The following ARL10 variants were observed in gnomAD, a reference collection of about 807,000 sequenced individuals.
ARL10 encodes the protein ADP-ribosylation factor-like protein 10.
ARL10 carries 23 observed loss-of-function variants against 26.1 expected under a neutral mutation model. The ratio of observed to expected loss-of-function variants is 0.88; its 90% CI spans 0.63 to 1.25. ARL10 has a LOEUF of 1.25. ARL10 is among the 50% of genes most tolerant of loss of function. The pLI is 0.00. For missense variants in ARL10, 300 were observed against 323.6 expected (o/e 0.93, Z 0.56); for synonymous variants, 138 against 149.1 (o/e 0.93, Z 0.54).
At chr5:176,396,905 C>T (rs1369309000) in intron 1 of ARL10, among the ~76,000 whole-genome samples, 2 of 152,098 alleles carry the variant, frequency 1.3e-5, no homozygotes, top group African/African-American at 4.8e-5. Flanking sequence ...TAATACATCA[C>T]ATTTTTTTCT....
downstream of ARL10, chr5:176,392,745 T>C (rs1756313720): frequency 6.2e-7 from 1 of 1,611,604 alleles, no homozygotes; most frequent in African/African-American, 1.3e-5. The surrounding 1 kb of genome is among the most constrained non-coding windows in gnomAD (Gnocchi z 5.2). Context: ...GCCCAGCCCA[T>C]GCTCTGTGGC....
intron 1 of ARL10, chr5:176,397,780 C>A: frequency 1.3e-6 from 2 of 1,550,774 alleles, no homozygotes; most frequent in South Asian, 1.1e-5. Context: ...CCCGGCCGCG[C>A]TCCTCCCCTG....
Position 176,368,990 on chromosome 5 carries a change from C to T in ARL10, c.561+8C>T, listed in dbSNP as rs1768432431. Reference sequence around the variant, plus strand: ...GTGGTGGCCAACAAGCAGGTGAGGGCTGTGAGAGGGCAGCTCGGTCCAGGT... The same window carrying T: ...GTGGTGGCCAACAAGCAGGTGAGGGTTGTGAGAGGGCAGCTCGGTCCAGGT... On this transcript the variant is annotated splice_region_variant and intron_variant, in intron 3 of 3. Transcript: ENST00000310389. This position sits in a 1 kb window ranked among gnomAD's most constrained non-coding sequence, Gnocchi z 4.1. The T allele has an allele frequency of 6.2e-7, 1 of 1,613,694 alleles. No individual in the cohort carries two copies. Among genetic ancestry groups the T allele is most frequent in the Non-Finnish European group, 8.5e-7 (1 of 1,179,950 alleles).
downstream of ARL10, among the ~76,000 whole-genome samples, chr5:176,393,512 A>G (rs1756350678): frequency 1.3e-5 from 2 of 152,240 alleles, no homozygotes; most frequent in Non-Finnish European, 2.9e-5. The surrounding 1 kb of genome is among the most constrained non-coding windows in gnomAD (Gnocchi z 4.4). Flanking sequence ...GGATCTTTAC[A>G]GCAAGACTTT....
downstream of ARL10, among the ~76,000 whole-genome samples, chr5:176,404,947 C>A (rs1757031890): frequency 6.6e-6 from 1 of 152,218 alleles, no homozygotes; most frequent in Admixed American, 6.5e-5. Context: ...ATCCTGGATT[C>A]AAGTTTTACC....
downstream of ARL10, chr5:176,386,420 G>A: frequency 3.4e-6 from 1 of 294,346 alleles, no homozygotes; most frequent in South Asian, 3.2e-5. Context: ...TTTCCTGTAG[G>A]GTTTACTCTC....
In ARL10 at chr5:176,379,325, C is replaced by T. The variant is rs948400570; in HGVS notation, c.*7430C>T. On this transcript the variant is annotated 3_prime_UTR_variant, in exon 4 of 4. Transcript: ENST00000310389. ...CTGGGATTACAGGTGCCCGCCACCACGCCCAGCTTATTTTTTGTATTTAGT... is the reference window on the plus strand; with the variant it reads ...CTGGGATTACAGGTGCCCGCCACCATGCCCAGCTTATTTTTTGTATTTAGT... 2 of 152,046 alleles carry T rather than the reference C, an allele frequency of 1.3e-5. No individual in the cohort carries two copies. Among genetic ancestry groups the T allele is most frequent in the Non-Finnish European group, 2.9e-5 (2 of 68,018 alleles). The allele number at this position is 152,046 out of a possible 1,614,324, so 9.4% of individuals were successfully genotyped here. A position where few individuals can be genotyped will look rare whatever the true frequency, so the allele number is the denominator to read the frequency against.
chr5:176,386,812 C>A, downstream of ARL10: 1 of 1,601,360 alleles, frequency 6.2e-7, no homozygotes, highest in Non-Finnish European at 8.6e-7. Context: ...AGGACAGTGA[C>A]CTAAAGGAAT....
downstream of ARL10, chr5:176,406,170 T>C: frequency 1.0e-6 from 1 of 988,908 alleles, no homozygotes; most frequent in Non-Finnish European, 1.2e-6. Context: ...AGCATCTCAG[T>C]GGGGAGATCA....
exon 2 of ARL10, chr5:176,388,534 G>A (rs374791604): frequency 1.9e-6 from 3 of 1,610,738 alleles, no homozygotes; most frequent in Non-Finnish European, 2.5e-6. Flanking sequence ...CCTTGGCCTT[G>A]GGCATCGCGC....
chr5:176,384,266 C>T (rs776742412), downstream of ARL10: 6 of 1,614,196 alleles, frequency 3.7e-6, no homozygotes, highest in Non-Finnish European at 5.1e-6. Context: ...TGCAAAGAAT[C>T]GAGGAAGTCT....
chr5:176,392,952 G>A (rs1399346704), downstream of ARL10: 3 of 1,614,060 alleles, frequency 1.9e-6, no homozygotes, highest in Non-Finnish European at 2.5e-6. The surrounding 1 kb of genome is among the most constrained non-coding windows in gnomAD (Gnocchi z 5.2). Context: ...TGCCCTGCGG[G>A]TGGAGATAGG....
chr5:176,402,439 C>A (rs1756870292), downstream of ARL10, among the ~76,000 whole-genome samples: 1 of 152,260 alleles, frequency 6.6e-6, no homozygotes, highest in African/African-American at 2.4e-5. Flanking sequence ...GGCCTTCATG[C>A]AAGCTCATCT....
intron 1 of ARL10, chr5:176,401,624 T>A (rs534349080): frequency 2.4e-6 from 1 of 425,080 alleles, no homozygotes; most frequent in African/African-American, 2.0e-5. Flanking sequence ...CCTCAGCCTT[T>A]AGGTCTATCA....
chr5:176,384,819 G>GGGGCCAGCTGAGGAGCTC, downstream of ARL10: 1 of 415,172 alleles, frequency 2.4e-6, no homozygotes, highest in Non-Finnish European at 4.3e-6. Flanking sequence ...GGGAGGAGCT[G>GGGGCCAGCTGAGGAGCTC]GGGCCAGCTG....
At chr5:176,410,425 C>A in the ARL10 span, 1 of 702,010 alleles carries the variant, frequency 1.4e-6, no homozygotes, top group Non-Finnish European at 2.5e-6. Flanking sequence ...GACCCACATG[C>A]AAACAGACAT....
chr5:176,401,986 G>A (rs777022429), downstream of ARL10: 17 of 320,448 alleles, frequency 5.3e-5, no homozygotes, highest in South Asian at 1.7e-4. Context: ...GTCTAAATCC[G>A]ATTTATCATG....
chr5:176,403,826 C>G (rs1756965315), downstream of ARL10, among the ~76,000 whole-genome samples: 1 of 152,160 alleles, frequency 6.6e-6, no homozygotes. Context: ...GTGGCGTGAT[C>G]TCTGCTCGCT....
chr5:176,414,466 C>T, the ARL10 span, among the ~76,000 whole-genome samples: 1 of 147,788 alleles, frequency 6.8e-6, no homozygotes, highest in African/African-American at 2.5e-5. Context: ...GGGTCTCACT[C>T]TGCTGCCCAG....
Sources: gnomAD v4.1 joint callset for allele counts (sites outside exome capture counted in the v4.1 genomes callset) on GRCh38, gnomAD v4.1.1 for gene constraint, Gnocchi (gnomAD v3.1) non-coding constraint, MANE v1.5 for transcripts, NCBI Gene and HGNC (gene_info 2026-07-23, HGNC 2026-07-21) for gene names.